The following GMPR variants were observed in gnomAD, a reference collection of about 807,000 sequenced individuals.
GMPR encodes the protein GMP reductase 1.
A neutral mutation model predicts 38.4 loss-of-function variants in GMPR; 31 were observed. The observed-to-expected ratio is 0.81, with a 90% CI of 0.61 to 1.09. GMPR has a LOEUF of 1.09. Ranked by LOEUF, GMPR falls within the 50% of genes least tolerant of loss-of-function variation. GMPR has a pLI of 0.00. For synonymous variants in GMPR, 162 were observed against 173.3 expected, an observed-to-expected ratio of 0.93 and a Z score of 0.51; for missense variants, 468 against 453.7, an observed-to-expected ratio of 1.03 and a Z score of -0.29.
Position 16,254,697 on chromosome 6 carries a change from A to T in GMPR, c.427A>T (p.Lys143Ter). Residue 143 changes from lysine (K) to a stop codon, truncating the protein, a stop_gained, in exon 4 of 9, where the codon AAA becomes TAA. Coordinates refer to ENST00000259727, the MANE Select transcript of GMPR (RefSeq NM_006877.4). LOFTEE classifies it high-confidence loss of function. ...TTCAGAACATTTTGTGGAATTCGTG[A>T]AACTTGTCCGTGCCAAATTTCCTGA... is the stretch of plus-strand genomic sequence containing the variant. Reference protein sequence around the residue: ...GYSEHFVEFVKLVRAKFPEHT... With the variant: ...GYSEHFVEFV The T allele has an allele frequency of 1.9e-6, 3 of 1,613,952 alleles. No individual in the cohort carries two copies. The highest frequency in any genetic ancestry group is 2.5e-6 in the Non-Finnish European group (3 of 1,179,836).
At chr6:16,249,970 G>A (rs957516108) in intron 2 of GMPR, among the ~76,000 whole-genome samples, 23 of 152,056 alleles carry the variant, frequency 1.5e-4, no homozygotes, top group Non-Finnish European at 5.9e-5. Context: ...CCTAATACAG[G>A]TGTGGGTGGG....
intron 8 of GMPR, among the ~76,000 whole-genome samples, chr6:16,292,275 C>T (rs1178782705): frequency 1.3e-5 from 2 of 151,956 alleles, no homozygotes; most frequent in Admixed American, 6.6e-5. Context: ...AATCTCAGAA[C>T]TCCACTGAGA....
intron 7 of GMPR, among the ~76,000 whole-genome samples, chr6:16,286,163 G>A (rs1759673609): frequency 6.6e-6 from 1 of 152,078 alleles, no homozygotes; most frequent in South Asian, 2.1e-4. Flanking sequence ...ACTACAGAGG[G>A]GGTTTTTTGG....
Position 16,278,814 on chromosome 6 carries a change from G to T in GMPR, c.578G>T (p.Gly193Val). 1 of 1,614,066 alleles carries T rather than the reference G, an allele frequency of 6.2e-7. No homozygotes were observed. Among genetic ancestry groups the T allele is most frequent in the Non-Finnish European group, 8.5e-7 (1 of 1,179,882 alleles). Residue 193 changes from glycine to valine, a missense_variant, in exon 6 of 9, where the codon GGA (glycine) becomes GTA (valine). Gly to Val is a moderately radical substitution (Grantham distance 109). Coordinates refer to ENST00000259727, the MANE Select transcript of GMPR (RefSeq NM_006877.4). Reference sequence around the variant, plus strand: ...GTGTGCACCACCCGCACCAAGACGGGAGTGGGGTACCCCCAGCTGAGTGCC... The same window carrying T: ...GTGTGCACCACCCGCACCAAGACGGTAGTGGGGTACCCCCAGCTGAGTGCC... ...GSVCTTRTKT[G>V]VGYPQLSAVI...
intron 2 of GMPR, among the ~76,000 whole-genome samples, chr6:16,247,762 C>A (rs894901769): frequency 2.0e-5 from 3 of 149,266 alleles, no homozygotes; most frequent in African/African-American, 7.4e-5. Context: ...GGGTAGGTCA[C>A]TTGCCCTAGG....
rs956834364 is a variant in GMPR, at chr6:16,286,806, C to G, written c.697+971C>G. ...CTGTAATCCCAGCTACTCAGGAGGC[C>G]AAGGTGGGAGAATCGCTTGAACCCG... On this transcript the variant is annotated intron_variant, in intron 7 of 8. Coordinates refer to ENST00000259727, the MANE Select transcript of GMPR (RefSeq NM_006877.4). Among the ~76,000 whole-genome samples the G allele has an allele frequency of 1.5e-4, 22 of 151,654 alleles. 1 individual carries two copies. The highest frequency in any genetic ancestry group is 5.1e-4 in the African/African-American group (21 of 41,238).
Position 16,295,142 on chromosome 6 carries a change from A to G in GMPR, c.994A>G (p.Thr332Ala). 2.6e-6 allele frequency: 4 copies of G among 1,563,438 alleles called. No homozygotes were observed. Among genetic ancestry groups the G allele is most frequent in the Non-Finnish European group, 2.6e-6 (3 of 1,161,200 alleles). ...ACTCAAGGAGCTCAGCAGGAGGGCA[A>G]CATTCATCCGGGTGACCCAGCAGCA... ...AKLKELSRRATFIRVTQQHNT... is the reference protein window; with the variant it reads ...AKLKELSRRAAFIRVTQQHNT... The change falls in exon 9 of 9, where the codon ACA becomes GCA. Residue 332 changes from threonine (T) to alanine (A), a missense_variant. Thr to Ala is a moderately conservative substitution (Grantham distance 58). Transcript: ENST00000259727.
chr6:16,248,683 C>G (rs1758806288), intron 2 of GMPR, among the ~76,000 whole-genome samples: 1 of 152,176 alleles, frequency 6.6e-6, no homozygotes, highest in African/African-American at 2.4e-5. Context: ...AGCGTTGGGC[C>G]AGAGGCTAAT....
intron 4 of GMPR, among the ~76,000 whole-genome samples, chr6:16,266,362 TCA>T (rs1759225015): frequency 1.8e-5 from 2 of 114,282 alleles, no homozygotes; most frequent in Admixed American, 2.3e-4. Context: ...GCTGTAACAC[TCA>T]CTGTGAAAAA....
intron 5 of GMPR, among the ~76,000 whole-genome samples, chr6:16,276,352 G>A (rs985549059): frequency 6.6e-6 from 1 of 152,042 alleles, no homozygotes; most frequent in Non-Finnish European, 1.5e-5. Context: ...TGTACTTTTA[G>A]TGGAGACGGG....
At chr6:16,248,871 C>G (rs1214575406) in intron 2 of GMPR, among the ~76,000 whole-genome samples, 1 of 152,194 alleles carries the variant, frequency 6.6e-6, no homozygotes, top group Non-Finnish European at 1.5e-5. Flanking sequence ...CTAGGACTCG[C>G]TGTGCTCTTC....
chr6:16,271,067 A>G (rs143728039), intron 4 of GMPR, among the ~76,000 whole-genome samples: 27 of 152,258 alleles, frequency 1.8e-4, no homozygotes, highest in African/African-American at 6.3e-4. Context: ...CTTTGACTCT[A>G]CCGGGTTGTA....
chr6:16,250,628 G>A (rs1263675434), intron 3 of GMPR, among the ~76,000 whole-genome samples: 4 of 152,202 alleles, frequency 2.6e-5, no homozygotes, highest in African/African-American at 9.7e-5. Context: ...GAAGACCTGT[G>A]TTTCCTGCCA....
intron 4 of GMPR, among the ~76,000 whole-genome samples, chr6:16,258,292 CTG>C (rs201363260): frequency 6.6e-6 from 1 of 152,222 alleles, no homozygotes; most frequent in East Asian, 1.9e-4. Flanking sequence ...ATTCTCCAAA[CTG>C]GAGCTGCTGT....
At chr6:16,266,140 TAAGAGCTGTAACACTTGCCATCTTTAA>T (rs1759210905) in intron 4 of GMPR, among the ~76,000 whole-genome samples, 1 of 126,370 alleles carries the variant, frequency 7.9e-6, no homozygotes, top group Non-Finnish European at 1.6e-5. Flanking sequence ...TTGCCATCTT[TAAGAGCTGTAACACTTGCCATCTTTAA>T]GAGCTGTAAC....
At chr6:16,266,809 AAG>A (rs1239662774) in intron 4 of GMPR, among the ~76,000 whole-genome samples, 6 of 151,674 alleles carry the variant, frequency 4.0e-5, no homozygotes, top group East Asian at 2.0e-4. Context: ...CAAACAAAAA[AAG>A]AGCTGTAACA....
Position 16,263,967 on chromosome 6 carries a change from C to T in GMPR, c.465+9232C>T, listed in dbSNP as rs1409380911. Among the ~76,000 whole-genome samples the T allele has an allele frequency of 4.0e-5, 6 of 151,028 alleles. No individual in the cohort carries two copies. In the South Asian group the frequency reaches 6.3e-4, roughly 16 times the overall value. On this transcript the variant is annotated intron_variant, in intron 4 of 8. Coordinates refer to ENST00000259727, the MANE Select transcript of GMPR (RefSeq NM_006877.4). Reference sequence around the variant, plus strand: ...GGGGGTTTCTTGCCCCCCAGAAAGGCGGAGAAGGGATAGAGACACGGAGAG... The same window carrying T: ...GGGGGTTTCTTGCCCCCCAGAAAGGTGGAGAAGGGATAGAGACACGGAGAG...
intron 1 of GMPR, among the ~76,000 whole-genome samples, chr6:16,246,271 C>T (rs1249353211): frequency 3.3e-5 from 5 of 152,190 alleles, no homozygotes; most frequent in Non-Finnish European, 5.9e-5. Flanking sequence ...CTGACCTCCC[C>T]ACCCAGCTGC....
At chr6:16,248,226 C>G (rs1262755402) in intron 2 of GMPR, among the ~76,000 whole-genome samples, 4 of 104,204 alleles carry the variant, frequency 3.8e-5, no homozygotes, top group Non-Finnish European at 7.2e-5. Context: ...CAAGAAGACC[C>G]TGTCTCAAAA....
Sources: allele counts gnomAD v4.1 joint callset (sites outside exome capture counted in the v4.1 genomes callset), GRCh38; gene constraint gnomAD v4.1.1; transcripts MANE v1.5; gene names NCBI Gene and HGNC (gene_info 2026-07-23, HGNC 2026-07-21).